The following VCF1 variants were observed in gnomAD, a reference collection of about 807,000 sequenced individuals.
The protein encoded by VCF1 is VCP nuclear cofactor family member 1, also known as protein VCF1.
chr17:73,225,796 A>G, the VCF1 span, among the ~76,000 whole-genome samples: 1 of 142,556 alleles, frequency 7.0e-6, no homozygotes, highest in Non-Finnish European at 1.6e-5. Context: ...CAACTATTAC[A>G]TTAAACAAAG....
At chr17:73,214,138 T>C in the VCF1 span, among the ~76,000 whole-genome samples, 2 of 152,180 alleles carry the variant, frequency 1.3e-5, no homozygotes, top group African/African-American at 4.8e-5. Context: ...TTAACTTGCA[T>C]TGAGCAGACC....
At chr17:73,228,573 C>T in the VCF1 span, among the ~76,000 whole-genome samples, 1 of 152,044 alleles carries the variant, frequency 6.6e-6, no homozygotes, top group Non-Finnish European at 1.5e-5. Flanking sequence ...AAAGCTTCAA[C>T]CATCCTGCAC....
At chr17:73,218,883 G>C in the VCF1 span, among the ~76,000 whole-genome samples, 307 of 152,262 alleles carry the variant, frequency 2.0e-3, no homozygotes, top group African/African-American at 7.1e-3. Flanking sequence ...AGCCAGGCGT[G>C]GTGGCGTGCG....
the VCF1 span, among the ~76,000 whole-genome samples, chr17:73,225,491 C>T: frequency 2.0e-5 from 3 of 151,338 alleles, no homozygotes; most frequent in African/African-American, 7.3e-5. Context: ...AAAAAGATGG[C>T]AATTTCTATT....
chr17:73,209,190 TAG>T, the VCF1 span: 3 of 298,266 alleles, frequency 1.0e-5, no homozygotes, highest in African/African-American at 4.4e-5. Flanking sequence ...TTACATAAAG[TAG>T]AGTTTCTAGT....
At chr17:73,219,918 G>A in the VCF1 span, among the ~76,000 whole-genome samples, 3 of 150,750 alleles carry the variant, frequency 2.0e-5, no homozygotes, top group African/African-American at 7.3e-5. Context: ...CAAGGCTGCA[G>A]TAAGCCATGA....
the VCF1 span, chr17:73,232,177 G>A: frequency 6.2e-7 from 1 of 1,608,974 alleles, no homozygotes; most frequent in Non-Finnish European, 8.5e-7. Context: ...GTTGTGTTTC[G>A]GCGGCCGCCA....
At chr17:73,211,903 C>T in the VCF1 span, among the ~76,000 whole-genome samples, 1 of 152,078 alleles carries the variant, frequency 6.6e-6, no homozygotes, top group Non-Finnish European at 1.5e-5. Flanking sequence ...TGGTGGCTCG[C>T]GCCTATAGTC....
the VCF1 span, among the ~76,000 whole-genome samples, chr17:73,215,443 C>T: frequency 6.6e-6 from 1 of 152,024 alleles, no homozygotes; most frequent in Non-Finnish European, 1.5e-5. Context: ...CCACCATGCC[C>T]AGCTATTTTT....
chr17:73,209,273 C>G, the VCF1 span: 1 of 561,060 alleles, frequency 1.8e-6, no homozygotes, highest in Non-Finnish European at 3.2e-6. Flanking sequence ...TTTCCTCAAA[C>G]CACTACCTTG....
At chr17:73,215,800 A>C in the VCF1 span, among the ~76,000 whole-genome samples, 19 of 152,356 alleles carry the variant, frequency 1.2e-4, no homozygotes, top group South Asian at 3.7e-3. Context: ...GTTCACAGCT[A>C]CTGTGGTGAT....
the VCF1 span, chr17:73,229,343 T>A: frequency 3.0e-6 from 3 of 985,348 alleles, no homozygotes; most frequent in African/African-American, 3.5e-5. Flanking sequence ...TTCATGCTCA[T>A]CCCTATCAGT....
chr17:73,224,942 C>CAGGACAGGACAGGAT, the VCF1 span, among the ~76,000 whole-genome samples: 1 of 42,106 alleles, frequency 2.4e-5, no homozygotes, highest in Non-Finnish European at 5.9e-5. Context: ...CAGCACAGCA[C>CAGGACAGGACAGGAT]AGCACAGCAC....
At chr17:73,220,892 AG>A in the VCF1 span, among the ~76,000 whole-genome samples, 1 of 135,864 alleles carries the variant, frequency 7.4e-6, no homozygotes, top group African/African-American at 2.8e-5. Context: ...TTTTTAATTT[AG>A]ATTTTTTTTT....
chr17:73,214,772 T>G, the VCF1 span, among the ~76,000 whole-genome samples: 2 of 152,208 alleles, frequency 1.3e-5, no homozygotes, highest in Admixed American at 1.3e-4. Context: ...AGTGTTTACC[T>G]TGTCACATTT....
the VCF1 span, chr17:73,208,503 C>T: frequency 6.3e-7 from 1 of 1,586,662 alleles, no homozygotes. Context: ...ATTATTTCTT[C>T]TAAAGGTGCC....
chr17:73,208,627 T>C, the VCF1 span: 4 of 781,418 alleles, frequency 5.1e-6, no homozygotes, highest in Admixed American at 4.0e-5. Context: ...TGTCCCAAAA[T>C]TTCACAATAC....
chr17:73,208,061 G>A, the VCF1 span: 3 of 1,392,900 alleles, frequency 2.2e-6, no homozygotes, highest in East Asian at 8.5e-5. Flanking sequence ...GCAGGCTGTG[G>A]AGAGAAGTGC....
chr17:73,207,389 G>T, the VCF1 span: 2 of 877,172 alleles, frequency 2.3e-6, no homozygotes, highest in East Asian at 2.7e-5. Context: ...TTTTAATGGC[G>T]GCGCAATAGA....
Sources: gnomAD v4.1 joint callset for allele counts (sites outside exome capture counted in the v4.1 genomes callset) on GRCh38, gnomAD v4.1.1 for gene constraint, MANE v1.5 for transcripts, NCBI Gene and HGNC (gene_info 2026-07-23, HGNC 2026-07-21) for gene names.